Variants in PHACTR2 observed in about 807,000 individuals in gnomAD.
PHACTR2 encodes chromosome 6 open reading frame 56.
A neutral mutation model predicts 76.0 loss-of-function variants in PHACTR2; 30 were observed. The observed-to-expected ratio is 0.39, with a 90% confidence interval of 0.30 to 0.54. The LOEUF (loss-of-function observed/expected upper bound fraction) is 0.54. Among genes scored for constraint, PHACTR2 ranks in the 20% least tolerant of loss-of-function variants. The pLI, the probability that PHACTR2 is intolerant of heterozygous loss-of-function variation, is 0.61. For synonymous variants in PHACTR2, 292 were observed against 292.5 expected, an observed-to-expected ratio of 1.00 and a Z score of 0.02; for missense variants, 696 against 781.1, an observed-to-expected ratio of 0.89 and a Z score of 1.30.
chr6:143,589,711 G>A lies in PHACTR2; in HGVS notation c.217+52504G>A, dbSNP rs977745928. On this transcript the variant is annotated intron_variant, in intron 1 of 11. Coordinates refer to the PHACTR2 transcript ENST00000367584. The surrounding 1 kb of genome is among the most constrained non-coding windows in gnomAD (Gnocchi z 4.4). ...TTTAATACCATCATCTCTTTTAAAG[G>A]CCCTATCTCCAAATACAGTCACATT... 6.6e-6 allele frequency among the ~76,000 whole-genome samples: 1 copy of A among 152,114 alleles called. No individual in the cohort carries two copies. The highest frequency in any genetic ancestry group is 2.4e-5 in the African/African-American group (1 of 41,416).
rs778620301 is a variant in PHACTR2 at position 143,749,080 on chromosome 6, C to T, written c.295+15C>T. The T allele has an allele frequency of 3.2e-5, 43 of 1,360,962 alleles. No homozygotes were observed. Among genetic ancestry groups the T allele is most frequent in the South Asian group, 2.3e-4 (19 of 83,660 alleles). 84.3% of individuals were successfully genotyped at this position (1,360,962 alleles called of 1,614,324 possible). A position where few individuals can be genotyped will look rare whatever the true frequency, so the allele number is the denominator to read the frequency against. On this transcript the variant is annotated intron_variant, in intron 3 of 12. Transcript: ENST00000440869. Reference sequence around the variant, plus strand: ...GCCTGATCAAGGTGAGGAAATTAATCATACATTTTAAATATTTTGGTCCTT... The same window carrying T: ...GCCTGATCAAGGTGAGGAAATTAATTATACATTTTAAATATTTTGGTCCTT...
chr6:143,681,249 C>T (rs1014364309), intron 1 of PHACTR2, among the ~76,000 whole-genome samples: 1 of 152,118 alleles, frequency 6.6e-6, no homozygotes, highest in Admixed American at 6.5e-5. Flanking sequence ...ACAGTTTCTC[C>T]ACATCCTTAC....
chr6:143,725,524 C>T (rs1482033546), intron 2 of PHACTR2, among the ~76,000 whole-genome samples: 1 of 151,932 alleles, frequency 6.6e-6, no homozygotes, highest in African/African-American at 2.4e-5. Context: ...ATAGTCACGC[C>T]TTCCCAACCC....
intron 6 of PHACTR2, among the ~76,000 whole-genome samples, chr6:143,770,891 T>A (rs12198422): frequency 0.69 from 101,443 of 147,840 alleles, 35,373 homozygotes; most frequent in East Asian, 0.93. Context: ...AAATTATTGC[T>A]TCCTTGCATA....
In PHACTR2 at chr6:143,782,121, G is replaced by A. The variant is rs549290576; in HGVS notation, c.1646-1098G>A. Among the ~76,000 whole-genome samples, 262 of 152,084 alleles carry A rather than the reference G, an allele frequency of 1.7e-3. 1 individual carries two copies. Among genetic ancestry groups the A allele is most frequent in the Non-Finnish European group, 2.5e-3 (173 of 68,012 alleles). Reference sequence around the variant, plus strand: ...AATAAATATATTTCATACCTGTCATGGATTAAAAAAATTTTTTTTAATTGA... The same window carrying A: ...AATAAATATATTTCATACCTGTCATAGATTAAAAAAATTTTTTTTAATTGA... On this transcript the variant is annotated intron_variant, in intron 9 of 12. Coordinates refer to ENST00000440869, the MANE Select transcript of PHACTR2 (RefSeq NM_001100164.2). The surrounding 1 kb of genome is among the most constrained non-coding windows in gnomAD (Gnocchi z 4.6).
At chr6:143,805,613 C>A (rs559470373) in intron 11 of PHACTR2, among the ~76,000 whole-genome samples, 34 of 152,268 alleles carry the variant, frequency 2.2e-4, no homozygotes, top group African/African-American at 7.7e-4. Flanking sequence ...GCAAAAGTAT[C>A]CTCACTGTTG....
chr6:143,755,472 T>G lies in PHACTR2; in HGVS notation c.454+1560T>G. ...GGAAGTGTTTCCCTTATCAACATAATAAAAAGTTCCTGACAGTTTTATATG... is the reference window on the plus strand; with the variant it reads ...GGAAGTGTTTCCCTTATCAACATAAGAAAAAGTTCCTGACAGTTTTATATG... On this transcript the variant is annotated intron_variant, in intron 4 of 12. Coordinates refer to ENST00000440869, the MANE Select transcript of PHACTR2 (RefSeq NM_001100164.2). The surrounding 1 kb of genome is among the most constrained non-coding windows in gnomAD (Gnocchi z 5.2). 1 of 401,270 alleles carries G rather than the reference T, an allele frequency of 2.5e-6. No homozygotes were observed. The highest frequency in any genetic ancestry group is 3.6e-4 in the Middle Eastern group (1 of 2,756). 24.9% of individuals were successfully genotyped at this position (401,270 alleles called of 1,614,324 possible). A position where few individuals can be genotyped will look rare whatever the true frequency, so the allele number is the denominator to read the frequency against.
At chr6:143,762,518 G>A (rs1779466061) in intron 5 of PHACTR2, among the ~76,000 whole-genome samples, 1 of 152,190 alleles carries the variant, frequency 6.6e-6, no homozygotes, top group Non-Finnish European at 1.5e-5. Context: ...AGCCCATCAT[G>A]TAAGAATCGT....
rs1197512124 is a variant in PHACTR2, at chr6:143,625,939, T to G, written c.13+17617T>G. 6.6e-6 allele frequency among the ~76,000 whole-genome samples: 1 copy of G among 152,188 alleles called. No homozygotes were observed. Among genetic ancestry groups the G allele is most frequent in the Non-Finnish European group, 1.5e-5 (1 of 68,028 alleles). On this transcript the variant is annotated intron_variant, in intron 1 of 11. Transcript: ENST00000305766. This position sits in a 1 kb window ranked among gnomAD's most constrained non-coding sequence, Gnocchi z 4.3. ...AAGAGCTCTTTTAGGTAAGGTGAGT[T>G]TCTTTCCAGTGACTGGCCATCTAAA...
Position 143,789,204 on chromosome 6 carries a change from C to A in PHACTR2, c.1845+294C>A. The A allele has an allele frequency of 4.5e-6, 1 of 224,496 alleles. No homozygotes were observed. 13.9% of individuals were successfully genotyped at this position (224,496 alleles called of 1,614,324 possible). On this transcript the variant is annotated intron_variant, in intron 11 of 12. Coordinates refer to ENST00000440869, the MANE Select transcript of PHACTR2 (RefSeq NM_001100164.2). The surrounding 1 kb of genome is among the most constrained non-coding windows in gnomAD (Gnocchi z 5.1). ...TTATCCTTACTCTTAGAAAATATAA[C>A]TTATACAACTTATCATTTTAAAGGG... is the stretch of plus-strand genomic sequence containing the variant.
rs538531503 is a variant in PHACTR2 at position 143,620,736 on chromosome 6, C to A, written c.13+12414C>A. 1.7e-4 allele frequency among the ~76,000 whole-genome samples: 26 copies of A among 152,318 alleles called. No homozygotes were observed. In the South Asian group the frequency reaches 5.2e-3, roughly 30 times the overall value. ...CCAACCCACAAGGCATAGGCCATGC[C>A]AAATGTGATTTCCATTGGCTTTTAT... is the stretch of plus-strand genomic sequence containing the variant. On this transcript the variant is annotated intron_variant, in intron 1 of 11. Coordinates refer to the PHACTR2 transcript ENST00000305766.
At chr6:143,804,711 A>G (rs1201432324) in intron 11 of PHACTR2, among the ~76,000 whole-genome samples, 1 of 152,210 alleles carries the variant, frequency 6.6e-6, no homozygotes, top group African/African-American at 2.4e-5. Flanking sequence ...GATTTTTGCC[A>G]TACTCTTAGA....
At chr6:143,724,213 G>A (rs897157183) in intron 2 of PHACTR2, among the ~76,000 whole-genome samples, 2 of 152,018 alleles carry the variant, frequency 1.3e-5, no homozygotes, top group Non-Finnish European at 1.5e-5. Context: ...TCGGCTCACC[G>A]CAAGCTCCGC....
At position 143,558,061 on chromosome 6, in the gene PHACTR2, AT is replaced by A; in HGVS notation, c.217+20855del. 6.6e-6 allele frequency: 1 copy of A among 152,230 alleles called. No homozygotes were observed. The highest frequency in any genetic ancestry group is 1.9e-4 in the East Asian group (1 of 5,172). The allele number at this position is 152,230 out of a possible 1,614,324, so 9.4% of individuals were successfully genotyped here. On this transcript the variant is annotated intron_variant, in intron 1 of 11. Coordinates refer to the PHACTR2 transcript ENST00000367584. This position sits in a 1 kb window ranked among gnomAD's most constrained non-coding sequence, Gnocchi z 4.7. ...GACGTTCTCCTTGGGTCCATCCCAC[AT>A]GCTGCCTGGGAGCTTCTTCCTTGTC...
intron 1 of PHACTR2, among the ~76,000 whole-genome samples, chr6:143,569,255 T>G (rs746288061): frequency 2.0e-5 from 3 of 152,192 alleles, no homozygotes; most frequent in Non-Finnish European, 4.4e-5. Context: ...CTCCAGGCTT[T>G]CTTTCTTCAC....
intron 1 of PHACTR2, among the ~76,000 whole-genome samples, chr6:143,630,526 AT>A: frequency 1.3e-5 from 2 of 152,334 alleles, no homozygotes; most frequent in Non-Finnish European, 2.9e-5. Context: ...AACAACTATC[AT>A]TAATCCTTCA....
chr6:143,792,589 G>A (rs1775716863), intron 11 of PHACTR2, among the ~76,000 whole-genome samples: 1 of 152,128 alleles, frequency 6.6e-6, no homozygotes, highest in Non-Finnish European at 1.5e-5. Context: ...GCTCAGCTAG[G>A]TGATTCTTCT....
In PHACTR2 at chr6:143,739,645, C is replaced by G. The variant is rs1778897288; in HGVS notation, c.215-9340C>G. 6.6e-6 allele frequency among the ~76,000 whole-genome samples: 1 copy of G among 152,190 alleles called. No individual in the cohort carries two copies. Among genetic ancestry groups the G allele is most frequent in the Non-Finnish European group, 1.5e-5 (1 of 68,040 alleles). ...TGAAGGGGAAGGACAGGCTGTGTTA[C>G]ACGTAGCACTCAAATCTTCGCTTCT... is the stretch of plus-strand genomic sequence containing the variant. On this transcript the variant is annotated intron_variant, in intron 2 of 12. Coordinates refer to ENST00000440869, the MANE Select transcript of PHACTR2 (RefSeq NM_001100164.2). This position sits in a 1 kb window ranked among gnomAD's most constrained non-coding sequence, Gnocchi z 4.3.
At chr6:143,728,347 G>T (rs1436981615) in intron 2 of PHACTR2, among the ~76,000 whole-genome samples, 1 of 151,192 alleles carries the variant, frequency 6.6e-6, no homozygotes, top group Admixed American at 6.6e-5. Flanking sequence ...GAGTAGCTGG[G>T]ACTACAGGCG....
Sources: allele counts gnomAD v4.1 joint callset (sites outside exome capture counted in the v4.1 genomes callset), GRCh38; gene constraint gnomAD v4.1.1; non-coding constraint Gnocchi (gnomAD v3.1); transcripts MANE v1.5; gene names NCBI Gene and HGNC (gene_info 2026-07-23, HGNC 2026-07-21).